The following CLGN variants were observed in gnomAD, a reference collection of about 807,000 sequenced individuals.
CLGN encodes the protein calmegin.
CLGN carries 62 observed loss-of-function variants against 79.1 expected under a neutral mutation model. The observed-to-expected ratio is 0.78, with a 90% CI of 0.64 to 0.97. The LOEUF (loss-of-function observed/expected upper bound fraction) is 0.97. Ranked by LOEUF, CLGN falls within the 50% of genes least tolerant of loss-of-function variation. The probability of loss-of-function intolerance (pLI) is 0.00; values close to 1 mark genes in which losing one functional copy is unlikely to be tolerated. For synonymous variants in CLGN, 225 were observed against 224.7 expected, an observed-to-expected ratio of 1.00 and a Z score of -0.01; for missense variants, 647 against 715.5, an observed-to-expected ratio of 0.90 and a Z score of 1.09.
rs568907930 is a variant in CLGN at position 140,395,609 on chromosome 4, A to G, written c.1149+210T>C. ...AGTGAGCATCAACTGATAATTAGGG[A>G]AGAATATAGTATGAAGTGATTTATT... On this transcript the variant is annotated intron_variant, in intron 10 of 14. Transcript: ENST00000325617. 3.2e-3 allele frequency among the ~76,000 whole-genome samples: 485 copies of G among 152,312 alleles called. 5 individuals are homozygous for G. The highest frequency in any genetic ancestry group is 0.011 in the African/African-American group (458 of 41,564).
chr4:140,402,762 G>T (rs531575976), intron 5 of CLGN, among the ~76,000 whole-genome samples: 76 of 151,968 alleles, frequency 5.0e-4, no homozygotes, highest in Non-Finnish European at 9.9e-4. Context: ...CCTTGCTATG[G>T]CAATGAGGCA....
rs1343674596 is a variant in CLGN, at chr4:140,393,834, C to T, written c.1357G>A (p.Ala453Thr). 3.1e-6 allele frequency: 5 copies of T among 1,613,234 alleles called. No individual in the cohort carries two copies. In the South Asian group the frequency reaches 4.4e-5, roughly 14 times the overall value. The change falls in exon 11 of 15, where the codon GCT (alanine) becomes ACT (threonine). Residue 453 changes from alanine (A) to threonine (T), a missense_variant. Ala to Thr is a moderately conservative substitution (Grantham distance 58). Transcript: ENST00000325617. ...ATTGGTCAACACCATACCTTATTAGCATTTGCTATCATTATTTTCCATCTC... is the reference window on the plus strand; with the variant it reads ...ATTGGTCAACACCATACCTTATTAGTATTTGCTATCATTATTTTCCATCTC... ...GWRWKIMIAN[A>T]NKPGVLKQLM...
intron 1 of CLGN, among the ~76,000 whole-genome samples, chr4:140,416,529 G>C (rs1374379440): frequency 6.6e-6 from 1 of 151,852 alleles, no homozygotes; most frequent in East Asian, 1.9e-4. Flanking sequence ...TATCACCACT[G>C]ATCCCACAAA....
chr4:140,404,110 CA>C (rs1404405855), intron 5 of CLGN, among the ~76,000 whole-genome samples: 1 of 150,966 alleles, frequency 6.6e-6, no homozygotes, highest in Non-Finnish European at 1.5e-5. Flanking sequence ...TTTTTTGAGA[CA>C]GTCTCACTCT....
At chr4:140,396,894 T>TATATATATAC (rs1728895099) in intron 8 of CLGN, among the ~76,000 whole-genome samples, 6 of 69,002 alleles carry the variant, frequency 8.7e-5, no homozygotes, top group South Asian at 4.4e-4. Context: ...TATATATGTA[T>TATATATATAC]ATATATATAT....
intron 2 of CLGN, among the ~76,000 whole-genome samples, chr4:140,411,848 A>C (rs1350952044): frequency 6.6e-6 from 1 of 152,048 alleles, no homozygotes; most frequent in Non-Finnish European, 1.5e-5. Flanking sequence ...CTGATAGGCC[A>C]CCCCTAAAAT....
rs372000570 is a variant in CLGN, at chr4:140,393,931, A to T, written c.1260T>A (p.Ser420=). 12 of 1,613,682 alleles carry T rather than the reference A, an allele frequency of 7.4e-6. No homozygotes were observed. The highest frequency in any genetic ancestry group is 1.0e-5 in the Non-Finnish European group (12 of 1,179,798). Residue 420 remains serine (S), a synonymous_variant, in exon 11 of 15, where the codon TCT becomes TCA. Transcript: ENST00000325617. ...TAATAAAATTATCAAAGTAGATATC[A>T]GAGGTCATAGACCAAAGCTCTAAAC... ...ALGLELWSMT[S]DIYFDNFIIC... is the part of the protein sequence containing the mutation.
intron 8 of CLGN, among the ~76,000 whole-genome samples, chr4:140,398,571 C>A (rs999107858): frequency 2.0e-5 from 3 of 151,798 alleles, no homozygotes; most frequent in African/African-American, 7.3e-5. Flanking sequence ...AAAATTAAAG[C>A]ACTGGTATTT....
chr4:140,399,477 C>T (rs183026390), intron 7 of CLGN, among the ~76,000 whole-genome samples: 46 of 152,264 alleles, frequency 3.0e-4, no homozygotes, highest in African/African-American at 8.2e-4. Flanking sequence ...ACTTGGTGTT[C>T]CCCCAAATGC....
intron 2 of CLGN, 51 bp downstream of exon 2, chr4:140,412,876 AATCACTTC>A: frequency 7.2e-7 from 1 of 1,385,412 alleles, no homozygotes; most frequent in Non-Finnish European, 1.0e-6. Context: ...ACCAGAGGTC[AATCACTTC>A]ATTGTACTAT....
chr4:140,402,070 A>G lies in CLGN; in HGVS notation c.420-4T>C, dbSNP rs770609360. On this transcript the variant is annotated splice_polypyrimidine_tract_variant and splice_region_variant and intron_variant, in intron 5 of 14. Coordinates refer to ENST00000325617, the MANE Select transcript of CLGN (RefSeq NM_004362.3). ...ATCTTGAAAATTTACTTCATATCTG[A>G]ATAAAGGGAAAAAGAACCGTACTAC... 1.3e-5 allele frequency: 19 copies of G among 1,496,532 alleles called. No individual in the cohort carries two copies. The highest frequency in any genetic ancestry group is 1.6e-5 in the Non-Finnish European group (17 of 1,092,084). The allele number at this position is 1,496,532 out of a possible 1,614,324, so 92.7% of individuals were successfully genotyped here.
intron 5 of CLGN, among the ~76,000 whole-genome samples, chr4:140,405,499 A>G (rs1208009348): frequency 6.6e-6 from 1 of 152,218 alleles, no homozygotes; most frequent in Non-Finnish European, 1.5e-5. Flanking sequence ...AAGTAATTTT[A>G]AGAGTAAAAC....
chr4:140,391,333 T>A (rs1728767739), intron 13 of CLGN, among the ~76,000 whole-genome samples: 1 of 151,790 alleles, frequency 6.6e-6, no homozygotes. Flanking sequence ...AGTACCTTTA[T>A]ACAAGCAGGC....
chr4:140,397,543 G>T (rs1287190466), intron 8 of CLGN, among the ~76,000 whole-genome samples: 3 of 150,842 alleles, frequency 2.0e-5, no homozygotes, highest in Non-Finnish European at 4.4e-5. Flanking sequence ...TGTCATATTT[G>T]GAAAGTTCTT....
At chr4:140,410,760 G>T in intron 2 of CLGN, 134 bp from the exon 3 acceptor site, 1 of 588,298 alleles carries the variant, frequency 1.7e-6, no homozygotes, top group Non-Finnish European at 3.0e-6. Flanking sequence ...ACTCAAATAG[G>T]ATACAAAACT....
intron 4 of CLGN, among the ~76,000 whole-genome samples, chr4:140,409,417 G>A (rs17005857): frequency 0.14 from 21,513 of 151,922 alleles, 1,781 homozygotes; most frequent in East Asian, 0.23. Flanking sequence ...TCCAGAAGCA[G>A]CCACATATCT....
rs935941999 is a variant in CLGN, at chr4:140,389,008, G to T, written c.*216C>A. On this transcript the variant is annotated 3_prime_UTR_variant, in exon 15 of 15. Transcript: ENST00000325617. ...GGTATTAATCTCTTAGATCCGATAT[G>T]TAATGTGCCACTTTTATTCTAAATT... 3 of 532,410 alleles carry T rather than the reference G, an allele frequency of 5.6e-6. No homozygotes were observed. Among genetic ancestry groups the T allele is most frequent in the Non-Finnish European group, 1.0e-5 (3 of 298,710 alleles). The allele number at this position is 532,410 out of a possible 1,614,324, so 33.0% of individuals were successfully genotyped here.
intron 1 of CLGN, among the ~76,000 whole-genome samples, chr4:140,419,350 TA>T (rs1421272527): frequency 1.3e-5 from 2 of 151,512 alleles, no homozygotes; most frequent in Admixed American, 1.3e-4. Context: ...ACTTAAAGTA[TA>T]ATAAAAAAAA....
At chr4:140,413,908 A>G (rs1238263833) in intron 1 of CLGN, among the ~76,000 whole-genome samples, 1 of 152,240 alleles carries the variant, frequency 6.6e-6, no homozygotes, top group Non-Finnish European at 1.5e-5. Context: ...GGGGCAGGGC[A>G]CAGACAAACA....
Sources: allele counts gnomAD v4.1 joint callset (sites outside exome capture counted in the v4.1 genomes callset), GRCh38; gene constraint gnomAD v4.1.1; transcripts MANE v1.5; gene names NCBI Gene and HGNC (gene_info 2026-07-23, HGNC 2026-07-21).